NHSL3: variants seen among roughly 807,000 people sequenced by gnomAD.
NHSL3 encodes the protein NHS-like protein 3.
chr1:32,774,822 A>G, the NHSL3 span: 2 of 152,584 alleles, frequency 1.3e-5, no homozygotes, highest in Non-Finnish European at 2.9e-5. Flanking sequence ...ATAAAATGTT[A>G]GAAGTATATA....
the NHSL3 span, chr1:32,767,900 C>T: frequency 2.0e-5 from 32 of 1,614,100 alleles, no homozygotes; most frequent in African/African-American, 2.7e-5. Context: ...GCGACCCCCC[C>T]ACCTGGAAGA....
chr1:32,755,918 G>A, the NHSL3 span, among the ~76,000 whole-genome samples: 8 of 152,114 alleles, frequency 5.3e-5, no homozygotes, highest in African/African-American at 9.7e-5. Context: ...ATGGTCGCTC[G>A]GATCTGATGG....
chr1:32,760,880 C>T, the NHSL3 span, among the ~76,000 whole-genome samples: 1 of 152,180 alleles, frequency 6.6e-6, no homozygotes, highest in Admixed American at 6.5e-5. Flanking sequence ...TGAGCCACCG[C>T]ACCCGGCCAT....
chr1:32,769,079 C>A, the NHSL3 span: 1 of 242,284 alleles, frequency 4.1e-6, no homozygotes, highest in South Asian at 6.7e-5. Flanking sequence ...TGAATGAAAC[C>A]CCGTCTCTAC....
the NHSL3 span, chr1:32,754,159 C>T: frequency 2.8e-6 from 2 of 709,718 alleles, no homozygotes; most frequent in South Asian, 1.5e-5. Flanking sequence ...GCGGTTCGGG[C>T]GGTCGGCGAA....
the NHSL3 span, among the ~76,000 whole-genome samples, chr1:32,766,613 T>C: frequency 0.079 from 12,075 of 152,136 alleles, 676 homozygotes; most frequent in Admixed American, 0.16. Context: ...TGTTGACGAA[T>C]GGGCTGAGGG....
chr1:32,762,682 C>T, the NHSL3 span, among the ~76,000 whole-genome samples: 1 of 152,138 alleles, frequency 6.6e-6, no homozygotes, highest in South Asian at 2.1e-4. Context: ...CTCTGCCTCC[C>T]GGATTCAAGC....
chr1:32,750,639 C>G, the NHSL3 span, among the ~76,000 whole-genome samples: 16 of 151,898 alleles, frequency 1.1e-4, no homozygotes, highest in African/African-American at 3.9e-4. Flanking sequence ...TCCCGAGTAG[C>G]TGGGATTATA....
the NHSL3 span, among the ~76,000 whole-genome samples, chr1:32,758,447 G>A: frequency 1.3e-5 from 2 of 152,042 alleles, 1 homozygote; most frequent in African/African-American, 4.8e-5. Flanking sequence ...CTTGGAGTCT[G>A]GGGTCTTTGG....
At chr1:32,760,913 C>T in the NHSL3 span, among the ~76,000 whole-genome samples, 1 of 152,120 alleles carries the variant, frequency 6.6e-6, no homozygotes, top group African/African-American at 2.4e-5. Flanking sequence ...TTGAGAGTGC[C>T]CACCTGCGGA....
At chr1:32,759,855 C>T in the NHSL3 span, among the ~76,000 whole-genome samples, 5 of 152,212 alleles carry the variant, frequency 3.3e-5, no homozygotes, top group Non-Finnish European at 7.3e-5. Flanking sequence ...TCCCTTGAGC[C>T]TCCTGGTGCT....
the NHSL3 span, chr1:32,771,650 C>G: frequency 6.2e-7 from 1 of 1,612,148 alleles, no homozygotes; most frequent in Non-Finnish European, 8.5e-7. Context: ...TCAGCTACTG[C>G]TTTGCAGATT....
the NHSL3 span, among the ~76,000 whole-genome samples, chr1:32,742,889 A>G: frequency 6.6e-6 from 1 of 152,210 alleles, no homozygotes; most frequent in South Asian, 2.1e-4. Context: ...GATGGGGGAA[A>G]CTGAGGCCCA....
the NHSL3 span, among the ~76,000 whole-genome samples, chr1:32,752,944 CACACACATATATAT>C: frequency 0.019 from 474 of 25,530 alleles, 13 homozygotes; most frequent in Middle Eastern, 0.062. Context: ...CACACACACA[CACACACATATATAT>C]ATATATATAT....
At chr1:32,748,383 CAGTCAGAGTCA>C in the NHSL3 span, among the ~76,000 whole-genome samples, 1 of 152,134 alleles carries the variant, frequency 6.6e-6, no homozygotes, top group Non-Finnish European at 1.5e-5. Context: ...AGTTCCAAAG[CAGTCAGAGTCA>C]AGTCTCTGGG....
chr1:32,742,000 G>A, the NHSL3 span: 160 of 1,212,030 alleles, frequency 1.3e-4, no homozygotes, highest in Non-Finnish European at 1.5e-4. The surrounding 1 kb of genome is among the most constrained non-coding windows in gnomAD (Gnocchi z 4.3). Flanking sequence ...CGAGGAGCCG[G>A]GGAACCCGGG....
At chr1:32,768,520 G>C in the NHSL3 span, 6 of 987,022 alleles carry the variant, frequency 6.1e-6, no homozygotes, top group African/African-American at 8.0e-5. Context: ...GCTTGAACTT[G>C]GGAGGCGGAG....
At chr1:32,771,676 C>T in the NHSL3 span, 12 of 1,611,684 alleles carry the variant, frequency 7.4e-6, no homozygotes, top group Non-Finnish European at 1.0e-5. Context: ...CCCGGGTAGC[C>T]CAGACCCTCC....
the NHSL3 span, chr1:32,742,248 G>C: frequency 8.1e-7 from 1 of 1,232,512 alleles, no homozygotes; most frequent in Non-Finnish European, 1.0e-6. Flanking sequence ...GGCCGAGGGG[G>C]CTCTGCCGGG....
Sources: gnomAD v4.1 joint callset for allele counts (sites outside exome capture counted in the v4.1 genomes callset) on GRCh38, gnomAD v4.1.1 for gene constraint, Gnocchi (gnomAD v3.1) non-coding constraint, MANE v1.5 for transcripts, NCBI Gene and HGNC (gene_info 2026-07-23, HGNC 2026-07-21) for gene names.